Variants in LPAR1 observed in about 807,000 individuals in gnomAD.
LPAR1 encodes the protein LPA receptor 1.
In LPAR1, 5 loss-of-function variants were observed where a neutral mutation model predicts 23.8. The observed-to-expected ratio is 0.21, with a 90% CI of 0.11 to 0.44. LPAR1 has a LOEUF of 0.44. Among genes scored for constraint, LPAR1 ranks in the 20% least tolerant of loss-of-function variants. The pLI, the probability that LPAR1 is intolerant of heterozygous loss-of-function variation, is 0.99. For synonymous variants in LPAR1, 160 were observed against 164.7 expected (o/e 0.97, Z 0.22); for missense variants, 311 against 482.8 (o/e 0.64, Z 3.33).
chr9:111,032,372 C>G (rs568453989), intron 2 of LPAR1, among the ~76,000 whole-genome samples: 2 of 152,212 alleles, frequency 1.3e-5, no homozygotes, highest in South Asian at 4.1e-4. Flanking sequence ...TTGGTGCTCC[C>G]GCAAAGTCTT....
intron 4 of LPAR1, among the ~76,000 whole-genome samples, chr9:110,952,640 C>T (rs1369952826): frequency 6.6e-6 from 1 of 152,164 alleles, no homozygotes; most frequent in East Asian, 1.9e-4. Flanking sequence ...CTTATAGCTG[C>T]TACCTGGGGC....
rs557997748 is a variant in LPAR1 at position 111,035,793 on chromosome 9, C to T, written c.-182+329G>A. ...GACCTCAAACTAAATTCTGAAAGTT[C>T]TGTTATCTGCTGAATACTTGGAGCT... On this transcript the variant is annotated intron_variant, in intron 2 of 5. Transcript: ENST00000683809. 7.6e-4 allele frequency among the ~76,000 whole-genome samples: 115 copies of T among 152,298 alleles called. 1 individual carries two copies. Among genetic ancestry groups the T allele is most frequent in the African/African-American group, 2.6e-3 (108 of 41,570 alleles).
At chr9:110,918,176 T>TC (rs1300599497) in intron 5 of LPAR1, among the ~76,000 whole-genome samples, 3 of 152,086 alleles carry the variant, frequency 2.0e-5, no homozygotes, top group African/African-American at 7.2e-5. Flanking sequence ...CACTTTGGCC[T>TC]CCCAAAGTGC....
At chr9:110,979,640 A>G (rs10980675) in intron 2 of LPAR1, among the ~76,000 whole-genome samples, 104,931 of 151,956 alleles carry the variant, frequency 0.69, 37,227 homozygotes, top group African/African-American at 0.79. Context: ...CATAAGCAAA[A>G]GATTAGGAAT....
intron 2 of LPAR1, among the ~76,000 whole-genome samples, chr9:111,005,575 A>AAGAAAAAG (rs1554729753): frequency 7.6e-6 from 1 of 131,486 alleles, no homozygotes; most frequent in African/African-American, 3.2e-5. Context: ...AAAAAAAAAA[A>AAGAAAAAG]AAGAAGAATT....
intron 4 of LPAR1, among the ~76,000 whole-genome samples, chr9:110,963,848 A>G (rs543377474): frequency 6.6e-6 from 1 of 152,328 alleles, no homozygotes; most frequent in Non-Finnish European, 1.5e-5. Context: ...TAAAGCTGAA[A>G]AAGACCTATG....
At position 110,941,879 on chromosome 9, in the gene LPAR1, T is replaced by G. The variant is rs1480207610; in HGVS notation, c.335A>C (p.Asn112Thr). 1.9e-6 allele frequency: 3 copies of G among 1,614,076 alleles called. No individual in the cohort carries two copies. The African/African-American group carries it at 4.0e-5, about 22-fold the overall frequency. The change falls in exon 5 of 6, where the codon AAT (asparagine) becomes ACT (threonine). Residue 112 changes from asparagine to threonine, a missense_variant. Physicochemically the swap from Asn to Thr is moderately conservative, Grantham distance 65. This residue lies in a region of LPAR1 where 250 missense variants were observed against 427.2 expected (regional missense o/e 0.59). Coordinates refer to ENST00000683809, the MANE Select transcript of LPAR1 (RefSeq NM_001351411.2). The surrounding 1 kb of genome is among the most constrained non-coding windows in gnomAD (Gnocchi z 6.1). ...YFYLMFNTGPNTRRLTVSTWL... is the reference protein window; with the variant it reads ...YFYLMFNTGPTTRRLTVSTWL... ...TGTGCTAACAGTCAGTCTCCGAGTA[T>G]TGGGTCCTGTGTTGAACATGAGATA...
intron 5 of LPAR1, among the ~76,000 whole-genome samples, chr9:110,892,806 AAGGAAGGAAGGAAGGAAGGAAGGCAGGC>A (rs1362054165): frequency 0.021 from 2,305 of 107,594 alleles, 66 homozygotes; most frequent in African/African-American, 0.083. Flanking sequence ...GGAAGGAAGG[AAGGAAGGAAGGAAGGAAGGAAGGCAGGC>A]AGGCAGGCAG....
chr9:110,993,721 G>A (rs1031824725), intron 2 of LPAR1, among the ~76,000 whole-genome samples: 6 of 152,140 alleles, frequency 3.9e-5, no homozygotes, highest in Non-Finnish European at 7.3e-5. Context: ...TTACATCTTC[G>A]TCTCTTAATA....
At chr9:111,004,372 C>T (rs2140284598) in intron 2 of LPAR1, among the ~76,000 whole-genome samples, 1 of 152,260 alleles carries the variant, frequency 6.6e-6, no homozygotes, top group East Asian at 1.9e-4. Flanking sequence ...ACCCCAACTT[C>T]TTCCTTCTCT....
chr9:111,029,009 A>G (rs1051732977), intron 2 of LPAR1, among the ~76,000 whole-genome samples: 2 of 152,186 alleles, frequency 1.3e-5, no homozygotes, highest in Non-Finnish European at 2.9e-5. Flanking sequence ...CTATCTCCCC[A>G]GGACCACCTA....
chr9:110,933,974 C>A (rs1233078411), intron 5 of LPAR1, among the ~76,000 whole-genome samples: 1 of 152,126 alleles, frequency 6.6e-6, no homozygotes, highest in East Asian at 1.9e-4. Context: ...TGACCCAAGC[C>A]CAGGATGTGG....
At chr9:111,027,028 G>A (rs575972776) in intron 2 of LPAR1, among the ~76,000 whole-genome samples, 17 of 152,256 alleles carry the variant, frequency 1.1e-4, no homozygotes, top group Admixed American at 9.8e-4. Flanking sequence ...GTATCAGGAT[G>A]ATGCTGGCCT....
At chr9:110,968,682 C>G (rs1159000987) in intron 4 of LPAR1, among the ~76,000 whole-genome samples, 2 of 152,118 alleles carry the variant, frequency 1.3e-5, no homozygotes, top group Non-Finnish European at 2.9e-5. Flanking sequence ...ATCTGTGTAT[C>G]TCCCACTATA....
chr9:111,002,385 A>C (rs2097144013), intron 2 of LPAR1, among the ~76,000 whole-genome samples: 1 of 152,188 alleles, frequency 6.6e-6, no homozygotes, highest in South Asian at 2.1e-4. Flanking sequence ...AACCACCTCA[A>C]TCTGCACACT....
intron 4 of LPAR1, among the ~76,000 whole-genome samples, chr9:110,947,094 A>G (rs2095409726): frequency 6.6e-6 from 1 of 152,198 alleles, no homozygotes; most frequent in African/African-American, 2.4e-5. Context: ...CATAAGCAAT[A>G]CATAGAATGA....
intron 5 of LPAR1, among the ~76,000 whole-genome samples, chr9:110,904,536 A>C (rs1306850731): frequency 2.6e-5 from 4 of 152,232 alleles, no homozygotes; most frequent in Admixed American, 2.6e-4. Context: ...AAAGTCCTCA[A>C]TATCTATTTG....
At chr9:110,981,412 T>C (rs531473315) in intron 2 of LPAR1, among the ~76,000 whole-genome samples, 2 of 152,110 alleles carry the variant, frequency 1.3e-5, no homozygotes, top group Admixed American at 6.6e-5. Flanking sequence ...CTGCCACATA[T>C]GACTATAAGA....
intron 5 of LPAR1, among the ~76,000 whole-genome samples, chr9:110,925,366 G>A (rs938696428): frequency 6.6e-6 from 1 of 151,906 alleles, no homozygotes; most frequent in Non-Finnish European, 1.5e-5. Context: ...ACTTATCATT[G>A]CTCCCATATA....
Sources: gnomAD v4.1 joint callset for allele counts (sites outside exome capture counted in the v4.1 genomes callset) on GRCh38, gnomAD v4.1.1 for gene constraint, gnomAD v4.1.1 regional missense constraint, Gnocchi (gnomAD v3.1) non-coding constraint, MANE v1.5 for transcripts, NCBI Gene and HGNC (gene_info 2026-07-23, HGNC 2026-07-21) for gene names.